Variants in TMEM67 observed in about 807,000 individuals in gnomAD.
TMEM67 encodes transmembrane protein 67, also known as meckelin.
TMEM67 carries 124 observed loss-of-function variants against 136.6 expected under a neutral mutation model. The ratio of observed to expected loss-of-function variants is 0.91; its 90% CI spans 0.78 to 1.05. The LOEUF is 1.05. Ranked by LOEUF, TMEM67 falls within the 50% of genes least tolerant of loss-of-function variation. TMEM67 has a pLI of 0.00. For missense variants in TMEM67, 1,107 were observed against 1,178.4 expected (o/e 0.94, Z 0.89); for synonymous variants, 364 against 390.5 (o/e 0.93, Z 0.80).
chr8:93,815,174 C>T, intron 26 of TMEM67, 131 bp from the exon 27 acceptor site: 1 of 541,474 alleles, frequency 1.8e-6, no homozygotes, highest in Non-Finnish European at 3.1e-6. Context: ...TTTGTGTAAG[C>T]CATGAAGTAT....
intron 23 of TMEM67, among the ~76,000 whole-genome samples, chr8:93,806,765 A>G (rs889442364): frequency 6.6e-6 from 1 of 152,134 alleles, no homozygotes; most frequent in African/African-American, 2.4e-5. Context: ...AATGTAAAAC[A>G]TGAAGCCATG....
chr8:93,804,405 C>A (rs1815021638), intron 22 of TMEM67, among the ~76,000 whole-genome samples: 1 of 142,454 alleles, frequency 7.0e-6, no homozygotes, highest in Admixed American at 7.3e-5. Context: ...ACCTTGACCT[C>A]CTGAGTTCAA....
Position 93,816,535 on chromosome 8 carries a change from T to A in TMEM67, c.*83T>A. ...TATCAGGTTAGTTTGCCATATTTTTTAAAACTTATAATGCAGACTATTCTG... is the reference window on the plus strand; with the variant it reads ...TATCAGGTTAGTTTGCCATATTTTTAAAAACTTATAATGCAGACTATTCTG... On this transcript the variant is annotated 3_prime_UTR_variant, in exon 28 of 28. Transcript: ENST00000453321. 2 of 739,356 alleles carry A rather than the reference T, an allele frequency of 2.7e-6. No individual in the cohort carries two copies. The highest frequency in any genetic ancestry group is 1.6e-5 in the South Asian group (1 of 60,898). 45.8% of individuals were successfully genotyped at this position (739,356 alleles called of 1,614,324 possible).
At chr8:93,806,398 ATTTAC>A (rs1232391869) in intron 23 of TMEM67, among the ~76,000 whole-genome samples, 1 of 152,180 alleles carries the variant, frequency 6.6e-6, no homozygotes, top group Non-Finnish European at 1.5e-5. Context: ...CATACAAAGC[ATTTAC>A]AGATGAAATG....
At chr8:93,812,555 C>G (rs1273383634) in intron 26 of TMEM67, among the ~76,000 whole-genome samples, 1 of 152,182 alleles carries the variant, frequency 6.6e-6, no homozygotes, top group East Asian at 1.9e-4. Flanking sequence ...AAACCTGACT[C>G]TACCATTTAC....
the TMEM67 span, among the ~76,000 whole-genome samples, chr8:93,831,941 A>G: frequency 3.3e-5 from 5 of 152,182 alleles, no homozygotes; most frequent in African/African-American, 1.2e-4. Flanking sequence ...GGAGTAATGG[A>G]GAGGGGCACT....
intron 15 of TMEM67, 108 bp from the exon 16 acceptor site, chr8:93,793,090 C>A: frequency 9.8e-7 from 1 of 1,020,120 alleles, no homozygotes; most frequent in Middle Eastern, 2.1e-4. Context: ...GTCCTTTCAA[C>A]ATTTCCCACC....
chr8:93,786,638 T>G (rs919452341), intron 13 of TMEM67, among the ~76,000 whole-genome samples: 1 of 152,198 alleles, frequency 6.6e-6, no homozygotes, highest in African/African-American at 2.4e-5. Context: ...CTGAAATTGG[T>G]GTTTCAGGAA....
chr8:93,819,207 C>A (rs1439563636), downstream of TMEM67: 3 of 438,182 alleles, frequency 6.8e-6, no homozygotes, highest in Admixed American at 7.9e-5. Context: ...TTTTTTCTTG[C>A]TAATAAATTA....
rs765686583 is a variant in TMEM67 at position 93,809,855 on chromosome 8, T to A, written c.2732T>A (p.Met911Lys). ...GAAAGAATTCTTGGAATGGAATTCA[T>A]GGAACCAATGGAAAAAAGCATCTTT... ...LLERILGMEF[M>K]EPMEKSIFYN... The change falls in exon 26 of 28, where the codon ATG (methionine) becomes AAG (lysine). Residue 911 changes from methionine (M) to lysine (K), a missense_variant. This residue lies in a region of TMEM67 where 925 missense variants were observed against 1,002.4 expected (regional missense o/e 0.92). Coordinates refer to ENST00000453321, the MANE Select transcript of TMEM67 (RefSeq NM_153704.6). 1.2e-6 allele frequency: 2 copies of A among 1,607,798 alleles called. No individual in the cohort carries two copies. Among genetic ancestry groups the A allele is most frequent in the East Asian group, 4.5e-5 (2 of 44,696 alleles).
Position 93,755,828 on chromosome 8 carries a change from G to A in TMEM67, c.274G>A (p.Gly92Arg), listed in dbSNP as rs776817695. 4.4e-6 allele frequency: 7 copies of A among 1,591,520 alleles called. No homozygotes were observed. The South Asian group carries it at 6.9e-5, about 16-fold the overall frequency. The stretch of plus-strand genomic sequence containing the variant: ...ATTTCAGATGATCTCTAATAATGGA[G>A]GACCTGCTATTATTTGTAAAAAGTG... ...PGFQMISNNG[G>R]PAIICKKCPE... Residue 92 changes from glycine to arginine, a missense_variant, in exon 2 of 28, where the codon GGA (glycine) becomes AGA (arginine). Gly to Arg is a moderately radical substitution (Grantham distance 125, BLOSUM62 -2). Around this residue, in one of 3 missense-constraint regions of TMEM67, gnomAD observed 178 missense variants for 159.2 expected, o/e 1.12. Transcript: ENST00000453321.
At position 93,817,034 on chromosome 8, in the gene TMEM67, A is replaced by G. The variant is rs1025621708; in HGVS notation, c.*582A>G. The stretch of plus-strand genomic sequence containing the variant: ...GTTAATATGCATCTCATGAAATGAT[A>G]TCTTTTCATTCCTTTGTATACCTGT... On this transcript the variant is annotated 3_prime_UTR_variant, in exon 28 of 28. Transcript: ENST00000453321. The G allele has an allele frequency of 4.6e-5, 7 of 152,422 alleles. No individual in the cohort carries two copies. The highest frequency in any genetic ancestry group is 1.7e-4 in the African/African-American group (7 of 41,470). 9.4% of individuals were successfully genotyped at this position (152,422 alleles called of 1,614,324 possible).
intron 22 of TMEM67, 107 bp downstream of exon 22, chr8:93,803,791 G>C: frequency 1.4e-6 from 1 of 732,682 alleles, no homozygotes; most frequent in Non-Finnish European, 2.5e-6. Flanking sequence ...GAATTTTTGG[G>C]CCAATTTTCC....
intron 23 of TMEM67, 90 bp downstream of exon 23, chr8:93,804,968 A>G (rs1162793252): frequency 3.5e-6 from 3 of 851,924 alleles, no homozygotes; most frequent in Admixed American, 3.9e-5. Context: ...AACAGTCTTC[A>G]TTGATAACTT....
intron 15 of TMEM67, 84 bp downstream of exon 15, chr8:93,791,403 A>G (rs1586060137): frequency 2.1e-6 from 2 of 953,182 alleles, no homozygotes; most frequent in East Asian, 5.3e-5. Context: ...TGCTAAAACA[A>G]ATTTGCCAGC....
rs68031743 is a variant in TMEM67, at chr8:93,781,926, CT to C, written c.1065+192del. 0.019 allele frequency among the ~76,000 whole-genome samples: 2,775 copies of C among 148,004 alleles called. 83 individuals are homozygous for C. Among genetic ancestry groups the C allele is most frequent in the African/African-American group, 0.062 (2,525 of 40,566 alleles). On this transcript the variant is annotated intron_variant, in intron 10 of 27. Transcript: ENST00000453321. ...TTGTTTGTTTGTTTGTTTGTTTTTT[CT>C]TTTTTTTTTGAGATGGAGTCTCGCT...
downstream of TMEM67, among the ~76,000 whole-genome samples, chr8:93,818,798 G>C (rs1287043582): frequency 6.6e-6 from 1 of 152,064 alleles, no homozygotes; most frequent in African/African-American, 2.4e-5. Context: ...TCGTGGGTGT[G>C]TGTGTGTGAG....
At chr8:93,816,327 T>A in intron 27 of TMEM67, 45 bp from the exon 28 acceptor site, 1 of 969,810 alleles carries the variant, frequency 1.0e-6, no homozygotes, top group Non-Finnish European at 1.6e-6. Context: ...GCATATTTAA[T>A]TCTGTTTATA....
chr8:93,808,706 A>C lies in TMEM67; in HGVS notation c.2440-134A>C, dbSNP rs1171197518. 5 of 650,608 alleles carry C rather than the reference A, an allele frequency of 7.7e-6. No homozygotes were observed. The East Asian group carries it at 1.4e-4, about 18-fold the overall frequency. 40.3% of individuals were successfully genotyped at this position (650,608 alleles called of 1,614,324 possible). On this transcript the variant is annotated intron_variant, in intron 23 of 27. Coordinates refer to ENST00000453321, the MANE Select transcript of TMEM67 (RefSeq NM_153704.6). ...ATGGTAGAATCTGTTTCTCAAATACAGTTTCAGTGAATTTCACTTAGCACC... is the reference window on the plus strand; with the variant it reads ...ATGGTAGAATCTGTTTCTCAAATACCGTTTCAGTGAATTTCACTTAGCACC...
Sources: allele counts gnomAD v4.1 joint callset (sites outside exome capture counted in the v4.1 genomes callset), GRCh38; gene constraint gnomAD v4.1.1; regional missense constraint gnomAD v4.1.1; transcripts MANE v1.5; gene names NCBI Gene and HGNC (gene_info 2026-07-23, HGNC 2026-07-21).